EDA: variants seen among roughly 807,000 people sequenced by gnomAD.
The protein encoded by EDA is ectodysplasin A, also known as ectodysplasin-A.
EDA carries 2 observed loss-of-function variants against 23.6 expected under a neutral mutation model. That is an observed-to-expected ratio of 0.08 (90% confidence interval 0.03 to 0.27). The LOEUF is 0.27. EDA is among the 10% of genes least tolerant of loss of function. The pLI is 1.00. For missense variants in EDA, 229 were observed against 324.2 expected (o/e 0.71, Z 2.26); for synonymous variants, 131 against 132.0 (o/e 0.99, Z 0.05).
chrX:69,957,161 C>G, intron 2 of EDA, 29 bp downstream of exon 2: 1 of 1,145,221 alleles, frequency 8.7e-7, no homozygotes, highest in Non-Finnish European at 1.2e-6. Flanking sequence ...TCCTTTATCA[C>G]TTCTGAATTA....
At position 70,035,658 on chromosome X, in the gene EDA, C is replaced by T. The variant is rs1334038113; in HGVS notation, c.*49C>T. On this transcript the variant is annotated 3_prime_UTR_variant, in exon 8 of 8. Transcript: ENST00000374552. ...CGTGCCCCTTCCCTGGGTTTGGGAG[C>T]CAGGACTCCCAGAACCTCTAAGTGC... The T allele has an allele frequency of 2.5e-6, 3 of 1,181,076 alleles. No homozygotes were observed. The Admixed American group carries it at 6.7e-5, about 27-fold the overall frequency.
rs895977205 is a variant in EDA, at chrX:70,037,257, C to T, written c.*1648C>T. ...TACTTATTTCTCAGCTGTGCCTTCC[C>T]TTTCTAAGCAACCACACTGCTTGGC... is the stretch of plus-strand genomic sequence containing the variant. On this transcript the variant is annotated 3_prime_UTR_variant, in exon 8 of 8. Transcript: ENST00000374552. 3.6e-5 allele frequency: 4 copies of T among 111,838 alleles called. No homozygotes were observed. The highest frequency in any genetic ancestry group is 1.3e-4 in the African/African-American group (4 of 30,719). 9.2% of individuals were successfully genotyped at this position (111,838 alleles called of 1,213,427 possible).
chrX:69,951,150 CAAAT>C lies in EDA; in HGVS notation c.397-5873_397-5870del, dbSNP rs908729498. Among the ~76,000 whole-genome samples, 10 of 108,556 alleles carry C rather than the reference CAAAT, an allele frequency of 9.2e-5. No individual in the cohort carries two copies. In the Middle Eastern group the frequency reaches 0.014, roughly 152 times the overall value. The allele number at this position is 108,556 out of a possible 115,157, so 94.3% of individuals were successfully genotyped here. A position where few individuals can be genotyped will look rare whatever the true frequency, so the allele number is the denominator to read the frequency against. On this transcript the variant is annotated intron_variant, in intron 1 of 7. Coordinates refer to ENST00000374552, the MANE Select transcript of EDA (RefSeq NM_001399.5). ...AAAGTCTCTTATCACCAGGCTCAAA[CAAAT>C]AAAGATCCTCAATAAAGAAAAATAA...
intron 1 of EDA, among the ~76,000 whole-genome samples, chrX:69,751,650 A>G (rs1276726457): frequency 8.9e-6 from 1 of 111,885 alleles, no homozygotes; most frequent in Non-Finnish European, 1.9e-5. Flanking sequence ...GATTCTTCCT[A>G]TCCATGAGCA....
At chrX:69,648,769 C>T (rs920206095) in intron 1 of EDA, among the ~76,000 whole-genome samples, 1 of 111,665 alleles carries the variant, frequency 9.0e-6, no homozygotes, top group African/African-American at 3.3e-5. Flanking sequence ...GATGGACTTG[C>T]CAGTGATCCT....
chrX:69,721,811 G>A (rs1462686654), intron 1 of EDA, among the ~76,000 whole-genome samples: 2 of 111,370 alleles, frequency 1.8e-5, no homozygotes, highest in Non-Finnish European at 3.8e-5. Flanking sequence ...GTTTCCTTTG[G>A]TTGTCTCTTA....
intron 1 of EDA, among the ~76,000 whole-genome samples, chrX:69,930,137 C>T (rs1356992276): frequency 9.0e-6 from 1 of 111,715 alleles, no homozygotes. Context: ...ATCCTCAGTG[C>T]CTTGCACTGT....
chrX:69,806,484 T>C (rs2015818912), intron 1 of EDA, among the ~76,000 whole-genome samples: 1 of 111,057 alleles, frequency 9.0e-6, no homozygotes, highest in East Asian at 2.8e-4. Flanking sequence ...ACTTAAAATA[T>C]GGAAGGCACT....
intron 1 of EDA, among the ~76,000 whole-genome samples, chrX:69,691,125 GT>G (rs753479203): frequency 3.6e-5 from 4 of 111,852 alleles, no homozygotes; most frequent in African/African-American, 1.3e-4. Context: ...AAGGCAGCTA[GT>G]AACCACTATA....
intron 1 of EDA, among the ~76,000 whole-genome samples, chrX:69,754,063 A>G (rs986438182): frequency 9.0e-6 from 1 of 111,612 alleles, no homozygotes; most frequent in African/African-American, 3.3e-5. Flanking sequence ...CATTTATCCC[A>G]TTTACATCTA....
rs933240450 is a variant in EDA at position 70,035,932 on chromosome X, A to G, written c.*323A>G. On this transcript the variant is annotated 3_prime_UTR_variant, in exon 8 of 8. Coordinates refer to ENST00000374552, the MANE Select transcript of EDA (RefSeq NM_001399.5). The stretch of plus-strand genomic sequence containing the variant: ...CAGATCTATTGTTTGTTGCACTAAA[A>G]TGAGGATCCAGGGCAGCAGGCCAGA... 1.6e-5 allele frequency: 5 copies of G among 311,882 alleles called. No homozygotes were observed. The highest frequency in any genetic ancestry group is 2.8e-5 in the Non-Finnish European group (5 of 178,885). The allele number at this position is 311,882 out of a possible 1,213,427, so 25.7% of individuals were successfully genotyped here.
chrX:69,838,032 C>T (rs1166537574), intron 1 of EDA, among the ~76,000 whole-genome samples: 2 of 112,386 alleles, frequency 1.8e-5, no homozygotes, highest in African/African-American at 6.5e-5. Flanking sequence ...GCCACGATGT[C>T]TCAGCATTGT....
chrX:70,014,145 A>C (rs2147491693), intron 2 of EDA, among the ~76,000 whole-genome samples: 1 of 112,083 alleles, frequency 8.9e-6, no homozygotes, highest in South Asian at 3.8e-4. Flanking sequence ...CTGAGAGCTG[A>C]GATCTACAGC....
At chrX:69,971,600 G>A (rs1342092355) in intron 2 of EDA, among the ~76,000 whole-genome samples, 1 of 111,606 alleles carries the variant, frequency 9.0e-6, no homozygotes, top group Non-Finnish European at 1.9e-5. Context: ...ATCCTTCCAA[G>A]ATCCAGCTGT....
intron 1 of EDA, among the ~76,000 whole-genome samples, chrX:69,940,659 G>A (rs2018745097): frequency 9.0e-6 from 1 of 110,556 alleles, no homozygotes; most frequent in Non-Finnish European, 1.9e-5. Flanking sequence ...ACTTTTGTGA[G>A]TACATAGTAG....
chrX:69,700,437 G>A (rs183231145), intron 1 of EDA, among the ~76,000 whole-genome samples: 2 of 111,933 alleles, frequency 1.8e-5, no homozygotes. Context: ...ATTGCGGAAA[G>A]TGAAGTATAT....
chrX:69,706,171 A>C (rs1446057640), intron 1 of EDA, among the ~76,000 whole-genome samples: 1 of 111,841 alleles, frequency 8.9e-6, no homozygotes, highest in Non-Finnish European at 1.9e-5. Flanking sequence ...CCAAGTTTTT[A>C]AATTAGATTA....
chrX:69,713,412 G>T (rs1308375505), intron 1 of EDA, among the ~76,000 whole-genome samples: 2 of 111,256 alleles, frequency 1.8e-5, no homozygotes, highest in African/African-American at 3.3e-5. Context: ...AATCTTATCT[G>T]TGTAGCCTTG....
At position 69,844,446 on chromosome X, in the gene EDA, A is replaced by T. The variant is rs1569352901; in HGVS notation, c.397-112581A>T. ...CTGTTTGAATTTTTGATGAAGAGTT[A>T]TGCCCCCAAGCATGATGGGTTTTCT... On this transcript the variant is annotated intron_variant, in intron 1 of 7. Transcript: ENST00000374552. Among the ~76,000 whole-genome samples, 3 of 113,010 alleles carry T rather than the reference A, an allele frequency of 2.7e-5. No individual in the cohort carries two copies. The South Asian group carries it at 1.1e-3, about 41-fold the overall frequency.
Sources: allele counts gnomAD v4.1 joint callset (sites outside exome capture counted in the v4.1 genomes callset), GRCh38; gene constraint gnomAD v4.1.1; transcripts MANE v1.5; gene names NCBI Gene and HGNC (gene_info 2026-07-23, HGNC 2026-07-21).